GRID1: variants seen among roughly 807,000 people sequenced by gnomAD.
GRID1 encodes glutamate receptor ionotropic, delta-1.
GRID1 carries 28 observed loss-of-function variants against 98.0 expected under a neutral mutation model. The observed-to-expected ratio is 0.29, with a 90% CI of 0.21 to 0.39. The LOEUF (loss-of-function observed/expected upper bound fraction) is 0.39. GRID1 is among the 10% of genes least tolerant of loss of function. The pLI, the probability that GRID1 is intolerant of heterozygous loss-of-function variation, is 1.00. For synonymous variants in GRID1, 553 were observed against 538.5 expected, an observed-to-expected ratio of 1.03 and a Z score of -0.37; for missense variants, 1,111 against 1,340.5, an observed-to-expected ratio of 0.83 and a Z score of 2.67.
chr10:85,693,213 T>C (rs569729729), intron 12 of GRID1, among the ~76,000 whole-genome samples: 1 of 152,270 alleles, frequency 6.6e-6, no homozygotes, highest in South Asian at 2.1e-4. Context: ...GTAGAATGGA[T>C]AGACTCTATT....
At chr10:86,107,918 A>G (rs1308489823) in intron 4 of GRID1, among the ~76,000 whole-genome samples, 1 of 152,156 alleles carries the variant, frequency 6.6e-6, no homozygotes, top group African/African-American at 2.4e-5. Context: ...ACTCCCACTC[A>G]ATAAAACCTT....
chr10:85,915,742 C>T (rs1841610291), intron 5 of GRID1, among the ~76,000 whole-genome samples: 1 of 152,164 alleles, frequency 6.6e-6, no homozygotes, highest in Non-Finnish European at 1.5e-5. Context: ...CTCTCGCACG[C>T]ATGTGCACAC....
At chr10:86,339,258 C>G (rs1286862594) in intron 2 of GRID1, among the ~76,000 whole-genome samples, 1 of 152,240 alleles carries the variant, frequency 6.6e-6, no homozygotes, top group East Asian at 1.9e-4. Context: ...ATCTCCTGAG[C>G]TGCAAGGGAA....
At chr10:85,622,193 T>C (rs1842865468) in intron 13 of GRID1, among the ~76,000 whole-genome samples, 1 of 152,002 alleles carries the variant, frequency 6.6e-6, no homozygotes, top group Admixed American at 6.6e-5. Flanking sequence ...CACAGCTGCA[T>C]GAAAGCACCC....
intron 8 of GRID1, among the ~76,000 whole-genome samples, chr10:85,786,558 C>T (rs901636457): frequency 2.0e-5 from 3 of 152,182 alleles, no homozygotes; most frequent in Non-Finnish European, 4.4e-5. Flanking sequence ...CACGTGGGCC[C>T]GCAAGGCATA....
At chr10:86,260,454 G>GTCCCA (rs1846998770) in intron 2 of GRID1, among the ~76,000 whole-genome samples, 1 of 152,304 alleles carries the variant, frequency 6.6e-6, no homozygotes, top group Middle Eastern at 3.4e-3. Context: ...CCAACCATGT[G>GTCCCA]TCCCACTCTG....
intron 4 of GRID1, among the ~76,000 whole-genome samples, chr10:85,973,820 A>T (rs1322470421): frequency 6.6e-6 from 1 of 152,234 alleles, no homozygotes; most frequent in Non-Finnish European, 1.5e-5. Context: ...CTTTCAATGA[A>T]ATATGGTAAA....
chr10:85,968,596 T>G (rs1260936404), intron 4 of GRID1, among the ~76,000 whole-genome samples: 1 of 152,168 alleles, frequency 6.6e-6, no homozygotes, highest in Non-Finnish European at 1.5e-5. Context: ...GCAAAGTTTT[T>G]GCATAACATT....
chr10:86,188,132 T>C (rs1845751762), intron 3 of GRID1, among the ~76,000 whole-genome samples: 1 of 152,224 alleles, frequency 6.6e-6, no homozygotes, highest in Non-Finnish European at 1.5e-5. Context: ...GTATGGCTCC[T>C]ACATGGACTG....
chr10:85,946,147 T>C (rs1419836517), intron 4 of GRID1, among the ~76,000 whole-genome samples: 2 of 152,214 alleles, frequency 1.3e-5, no homozygotes, highest in Non-Finnish European at 2.9e-5. Flanking sequence ...TTTAAGCACT[T>C]TGCCAAAAGA....
chr10:85,646,938 G>A, intron 13 of GRID1: 1 of 506,204 alleles, frequency 2.0e-6, no homozygotes, highest in Non-Finnish European at 3.6e-6. Context: ...CCTCCTATGA[G>A]CCCATGAGGA....
In GRID1 at chr10:85,838,211, G is replaced by C. The variant is rs192847412; in HGVS notation, c.1233+16285C>G. 7.6e-4 allele frequency among the ~76,000 whole-genome samples: 116 copies of C among 152,278 alleles called. 1 individual carries two copies. Among genetic ancestry groups the C allele is most frequent in the Admixed American group, 2.9e-3 (44 of 15,300 alleles). On this transcript the variant is annotated intron_variant, in intron 8 of 15. Coordinates refer to ENST00000327946, the MANE Select transcript of GRID1 (RefSeq NM_017551.3). ...CTTGTGTACCTGAAAGAGATGCAGA[G>C]AATGGAACCAACTTGGTAAATATAT...
chr10:86,118,146 T>G (rs1589377425), intron 4 of GRID1, among the ~76,000 whole-genome samples: 1 of 152,214 alleles, frequency 6.6e-6, no homozygotes, highest in Admixed American at 6.5e-5. Flanking sequence ...GGAATACTAC[T>G]CAGCCATAAA....
intron 2 of GRID1, among the ~76,000 whole-genome samples, chr10:86,219,053 G>A (rs987888878): frequency 6.6e-6 from 1 of 152,196 alleles, no homozygotes; most frequent in Non-Finnish European, 1.5e-5. Context: ...CTGTCTCTGG[G>A]GTAAAAGTCA....
intron 4 of GRID1, among the ~76,000 whole-genome samples, chr10:86,090,125 A>AC (rs34276202): frequency 1 from 152,261 of 152,262 alleles, 76,130 homozygotes; most frequent in Non-Finnish European, 1. Context: ...AGAATCAGTG[A>AC]CTAAAAGATA....
At chr10:85,739,459 C>T (rs1006028124) in intron 8 of GRID1, among the ~76,000 whole-genome samples, 6 of 152,080 alleles carry the variant, frequency 3.9e-5, no homozygotes, top group East Asian at 1.9e-4. Context: ...GTGTCATGCA[C>T]CTGTAGTCCC....
chr10:86,039,011 C>T (rs1395088313), intron 4 of GRID1, among the ~76,000 whole-genome samples: 1 of 152,200 alleles, frequency 6.6e-6, no homozygotes, highest in Non-Finnish European at 1.5e-5. Flanking sequence ...AAATCCACCC[C>T]TATTCTCTTC....
intron 2 of GRID1, among the ~76,000 whole-genome samples, chr10:86,211,928 C>T (rs778014847): frequency 5.3e-5 from 8 of 152,256 alleles, no homozygotes; most frequent in Non-Finnish European, 1.2e-4. Flanking sequence ...CAGTGCAGGC[C>T]CCAGGGAAGG....
chr10:85,724,831 A>G (rs1841744628), intron 10 of GRID1, among the ~76,000 whole-genome samples, 155 bp from the exon 11 acceptor site: 1 of 152,212 alleles, frequency 6.6e-6, no homozygotes, highest in African/African-American at 2.4e-5. Context: ...TATAAGGAAA[A>G]TCCAACACTA....
Sources: gnomAD v4.1 joint callset for allele counts (sites outside exome capture counted in the v4.1 genomes callset) on GRCh38, gnomAD v4.1.1 for gene constraint, MANE v1.5 for transcripts, NCBI Gene and HGNC (gene_info 2026-07-23, HGNC 2026-07-21) for gene names.